MPPED2: variants seen among roughly 807,000 people sequenced by gnomAD.
MPPED2 encodes the protein metallophosphoesterase domain containing 2, also known as metallophosphoesterase MPPED2.
Under a neutral mutation model 33.0 loss-of-function variants are expected in MPPED2, and 5 were observed. That is an observed-to-expected ratio of 0.15 (90% CI 0.08 to 0.32). MPPED2 has a LOEUF of 0.32. Among genes scored for constraint, MPPED2 ranks in the 10% least tolerant of loss-of-function variants. The pLI is 1.00. For missense variants in MPPED2, 275 were observed against 372.1 expected (o/e 0.74, Z 2.15); for synonymous variants, 136 against 141.9 (o/e 0.96, Z 0.29).
intron 4 of MPPED2, chr11:30,441,398 A>T (rs764546912): frequency 2.6e-5 from 4 of 152,178 alleles, no homozygotes; most frequent in Non-Finnish European, 5.9e-5. Flanking sequence ...CACAATCAAG[A>T]TCATCTGTTC....
At chr11:30,558,230 T>C (rs1956076426) in intron 2 of MPPED2, among the ~76,000 whole-genome samples, 1 of 152,294 alleles carries the variant, frequency 6.6e-6, no homozygotes, top group African/African-American at 2.4e-5. Flanking sequence ...TCTGGCTGAG[T>C]GGTTTATAGT....
chr11:30,483,263 A>G (rs1951574523), intron 4 of MPPED2, among the ~76,000 whole-genome samples: 1 of 152,244 alleles, frequency 6.6e-6, no homozygotes, highest in African/African-American at 2.4e-5. Context: ...GTGGATAAGA[A>G]AAGGAACTAG....
chr11:30,498,211 G>A (rs1952374157), intron 3 of MPPED2, among the ~76,000 whole-genome samples: 1 of 151,732 alleles, frequency 6.6e-6, no homozygotes, highest in Non-Finnish European at 1.5e-5. Context: ...TGCCAGCTAA[G>A]CTGACCTGCT....
chr11:30,457,772 G>C (rs1380662654), intron 4 of MPPED2, among the ~76,000 whole-genome samples: 2 of 152,168 alleles, frequency 1.3e-5, no homozygotes, highest in African/African-American at 4.8e-5. Context: ...CACAATATAT[G>C]CTGTTTGGGT....
At chr11:30,586,756 C>G (rs1257166392), upstream of MPPED2, 1 of 152,294 alleles carries the variant, frequency 6.6e-6, no homozygotes, top group East Asian at 1.9e-4. The surrounding 1 kb of genome is among the most constrained non-coding windows in gnomAD (Gnocchi z 4.8). Flanking sequence ...CAGGCTCTGT[C>G]AGGAGTCCTG....
intron 4 of MPPED2, among the ~76,000 whole-genome samples, chr11:30,423,499 G>A (rs1316639102): frequency 6.6e-6 from 1 of 152,180 alleles, no homozygotes; most frequent in Non-Finnish European, 1.5e-5. Flanking sequence ...CAGACTTTAG[G>A]AGCTGGCAGG....
chr11:30,585,112 T>C (rs535109674), intron 1 of MPPED2, among the ~76,000 whole-genome samples: 7 of 152,112 alleles, frequency 4.6e-5, no homozygotes, highest in Non-Finnish European at 8.8e-5. Context: ...CCCCTTCACC[T>C]CCTAGGCCGC....
chr11:30,585,394 C>T (rs911004045), intron 1 of MPPED2, among the ~76,000 whole-genome samples: 3 of 151,698 alleles, frequency 2.0e-5, no homozygotes, highest in Admixed American at 1.3e-4. Context: ...CGGGCGGCCC[C>T]GGGGGCGGCC....
chr11:30,428,182 A>G (rs992063789), intron 4 of MPPED2, among the ~76,000 whole-genome samples: 19 of 152,222 alleles, frequency 1.2e-4, no homozygotes, highest in Admixed American at 5.9e-4. Flanking sequence ...TATAAGCCAC[A>G]TTATTGAGCA....
At chr11:30,485,301 A>G (rs1951667103) in intron 4 of MPPED2, among the ~76,000 whole-genome samples, 1 of 152,154 alleles carries the variant, frequency 6.6e-6, no homozygotes, top group African/African-American at 2.4e-5. Context: ...GCTTTAAAAC[A>G]ATTTTACGTC....
At position 30,560,433 on chromosome 11, in the gene MPPED2, C is replaced by T. The variant is rs112502376; in HGVS notation, c.128+19813G>A. ...CTTAGTAAGCAGAAGTTGTCACAAA[C>T]GACAGAAAGTGATTAGCAATCACTT... On this transcript the variant is annotated intron_variant, in intron 2 of 6. Transcript: ENST00000358117. 1.6e-4 allele frequency among the ~76,000 whole-genome samples: 24 copies of T among 152,040 alleles called. 1 individual carries two copies. The highest frequency in any genetic ancestry group is 2.6e-4 in the Non-Finnish European group (18 of 67,996).
chr11:30,427,102 G>C (rs2133822415), intron 4 of MPPED2, among the ~76,000 whole-genome samples: 1 of 152,274 alleles, frequency 6.6e-6, no homozygotes, highest in African/African-American at 2.4e-5. Flanking sequence ...CTACCCTTTA[G>C]ACATGTCACG....
At chr11:30,427,503 C>T (rs1440029934) in intron 4 of MPPED2, among the ~76,000 whole-genome samples, 3 of 152,178 alleles carry the variant, frequency 2.0e-5, no homozygotes, top group African/African-American at 7.2e-5. Context: ...AAATACCATA[C>T]AGCCATTAAA....
In MPPED2 at chr11:30,569,167, T is replaced by C. The variant is rs540966673; in HGVS notation, c.128+11079A>G. ...TCGTGGTGGGGTCGAGATGGAGAGA[T>C]GCAAAACAGGGGAGCCATCCACCAC... On this transcript the variant is annotated intron_variant, in intron 2 of 6. Transcript: ENST00000358117. 8.6e-5 allele frequency among the ~76,000 whole-genome samples: 13 copies of C among 151,982 alleles called. No individual in the cohort carries two copies. In the South Asian group the frequency reaches 2.3e-3, roughly 27 times the overall value.
chr11:30,489,052 C>CTTT (rs35619209), intron 4 of MPPED2, among the ~76,000 whole-genome samples: 2 of 141,182 alleles, frequency 1.4e-5, no homozygotes, highest in Admixed American at 7.0e-5. Flanking sequence ...TCTTCTTCTC[C>CTTT]TTTTTTTTTT....
intron 5 of MPPED2, among the ~76,000 whole-genome samples, chr11:30,417,191 TC>T: frequency 6.6e-6 from 1 of 152,242 alleles, no homozygotes; most frequent in South Asian, 2.1e-4. Context: ...GAATCTTCCT[TC>T]CTTTCTCCAC....
At chr11:30,525,575 G>A (rs1954121826) in intron 3 of MPPED2, among the ~76,000 whole-genome samples, 1 of 152,060 alleles carries the variant, frequency 6.6e-6, no homozygotes, top group South Asian at 2.1e-4. Context: ...TTTCAGGAAA[G>A]GAGAAAGTAG....
At chr11:30,571,989 A>G (rs1293222754) in intron 2 of MPPED2, among the ~76,000 whole-genome samples, 1 of 152,230 alleles carries the variant, frequency 6.6e-6, no homozygotes, top group Admixed American at 6.5e-5. Context: ...GGAGATAGAT[A>G]GATTCAGTCT....
intron 2 of MPPED2, among the ~76,000 whole-genome samples, chr11:30,542,813 A>G (rs1955200437): frequency 1.3e-5 from 2 of 152,204 alleles, no homozygotes; most frequent in African/African-American, 4.8e-5. Flanking sequence ...AGTAGAACTC[A>G]GATTTTCTAA....
Sources: allele counts gnomAD v4.1 joint callset (sites outside exome capture counted in the v4.1 genomes callset), GRCh38; gene constraint gnomAD v4.1.1; non-coding constraint Gnocchi (gnomAD v3.1); transcripts MANE v1.5; gene names NCBI Gene and HGNC (gene_info 2026-07-23, HGNC 2026-07-21).